MLLT3: variants seen among roughly 807,000 people sequenced by gnomAD.
The protein encoded by MLLT3 is MLLT3 super elongation complex subunit.
MLLT3 carries 4 observed loss-of-function variants against 53.2 expected under a neutral mutation model. The observed-to-expected ratio is 0.08, with a 90% CI of 0.04 to 0.17. The LOEUF (loss-of-function observed/expected upper bound fraction) is 0.17, where lower values mean the gene tolerates loss of function less well. Ranked by LOEUF, MLLT3 falls within the 10% of genes least tolerant of loss-of-function variation. The pLI, the probability that MLLT3 is intolerant of heterozygous loss-of-function variation, is 1.00. For missense variants in MLLT3, 569 were observed against 684.0 expected, an observed-to-expected ratio of 0.83 and a Z score of 1.87; for synonymous variants, 283 against 230.6, an observed-to-expected ratio of 1.23 and a Z score of -2.06.
At chr9:20,508,697 A>C (rs532251485) in intron 2 of MLLT3, among the ~76,000 whole-genome samples, 13 of 152,210 alleles carry the variant, frequency 8.5e-5, no homozygotes, top group Admixed American at 5.9e-4. Context: ...AAATTCATAA[A>C]AAAAAGTTTT....
At chr9:20,590,044 A>G (rs1490998753) in intron 2 of MLLT3, among the ~76,000 whole-genome samples, 26 of 152,140 alleles carry the variant, frequency 1.7e-4, no homozygotes, top group Admixed American at 1.6e-3. Context: ...ACCCGCCAGG[A>G]GAAGCCATTC....
At chr9:20,483,371 G>A (rs1448209335) in intron 2 of MLLT3, among the ~76,000 whole-genome samples, 2 of 151,620 alleles carry the variant, frequency 1.3e-5, no homozygotes, top group African/African-American at 4.9e-5. Flanking sequence ...GCAAGTAGCT[G>A]GGACTACAGG....
chr9:20,383,828 C>G (rs1821964661), intron 5 of MLLT3, among the ~76,000 whole-genome samples: 1 of 151,822 alleles, frequency 6.6e-6, no homozygotes, highest in South Asian at 2.1e-4. Context: ...TGATAAAGTA[C>G]CTAGTTCAAT....
chr9:20,508,719 GC>G (rs1825446364), intron 2 of MLLT3, among the ~76,000 whole-genome samples: 1 of 152,082 alleles, frequency 6.6e-6, no homozygotes, highest in African/African-American at 2.4e-5. Context: ...AACCCAAACG[GC>G]TAAAAAGATT....
chr9:20,374,732 C>T (rs1372667471), intron 5 of MLLT3, among the ~76,000 whole-genome samples: 2 of 152,154 alleles, frequency 1.3e-5, no homozygotes, highest in Admixed American at 6.5e-5. Flanking sequence ...ACATCAGTAA[C>T]TCTAACCTCA....
Position 20,621,797 on chromosome 9 carries a change from C to A in MLLT3, c.12+448G>T. On this transcript the variant is annotated intron_variant, in intron 1 of 10. Coordinates refer to ENST00000380338, the MANE Select transcript of MLLT3 (RefSeq NM_004529.4). This position sits in a 1 kb window ranked among gnomAD's most constrained non-coding sequence, Gnocchi z 7.0. ...CCATCGTAGCGGCCGCGGCGCTTTG[C>A]GGAGGTGCGGCCGCCGAGGCTGCTC... is the stretch of plus-strand genomic sequence containing the variant. 2.1e-6 allele frequency: 3 copies of A among 1,457,112 alleles called. No individual in the cohort carries two copies. The highest frequency in any genetic ancestry group is 2.7e-6 in the Non-Finnish European group (3 of 1,115,132). The allele number at this position is 1,457,112 out of a possible 1,614,324, so 90.3% of individuals were successfully genotyped here.
chr9:20,607,951 CTAGT>C (rs1820609307), intron 2 of MLLT3, among the ~76,000 whole-genome samples: 1 of 151,858 alleles, frequency 6.6e-6, no homozygotes. Flanking sequence ...GTAAAAACCT[CTAGT>C]TATTTTTGTA....
intron 6 of MLLT3, among the ~76,000 whole-genome samples, chr9:20,364,124 A>G (rs979535156): frequency 6.6e-6 from 1 of 152,194 alleles, no homozygotes; most frequent in African/African-American, 2.4e-5. Context: ...CCATGGTGTA[A>G]TATCCTACCT....
At chr9:20,525,832 G>A (rs889842919) in intron 2 of MLLT3, among the ~76,000 whole-genome samples, 6 of 152,184 alleles carry the variant, frequency 3.9e-5, no homozygotes, top group Non-Finnish European at 5.9e-5. Flanking sequence ...AAGACCGATT[G>A]TAGTCTAGGT....
At chr9:20,453,155 TTTAA>T (rs1177812717) in intron 3 of MLLT3, among the ~76,000 whole-genome samples, 5 of 152,218 alleles carry the variant, frequency 3.3e-5, no homozygotes, top group Non-Finnish European at 7.3e-5. Context: ...TAATTCCTTT[TTTAA>T]TTAAGAAATT....
At chr9:20,403,356 G>T (rs1479887734) in intron 5 of MLLT3, among the ~76,000 whole-genome samples, 2 of 152,206 alleles carry the variant, frequency 1.3e-5, no homozygotes, top group Non-Finnish European at 2.9e-5. Flanking sequence ...AAATACAGAA[G>T]AGAGACCACA....
intron 2 of MLLT3, among the ~76,000 whole-genome samples, chr9:20,500,859 A>G (rs1437126063): frequency 6.6e-6 from 1 of 152,024 alleles, no homozygotes; most frequent in East Asian, 1.9e-4. Flanking sequence ...ATCATTTTCA[A>G]CTCCCTCCAG....
Position 20,346,527 on chromosome 9 carries a change from T to C in MLLT3, c.1623A>G (p.Thr541=), listed in dbSNP as rs1820874280. 6.2e-7 allele frequency: 1 copy of C among 1,613,810 alleles called. No homozygotes were observed. Residue 541 remains threonine, a synonymous_variant, in exon 11 of 11, where the codon ACA becomes ACG. Transcript: ENST00000380338. ...GCGAGCAAAGATCAAAATCAAATGT[T>C]GTGTTTGTGATATGAAAGTGTCCAG... ...EETGHFHITN[T]TFDFDLCSLD...
At chr9:20,498,567 G>C (rs1415631654) in intron 2 of MLLT3, among the ~76,000 whole-genome samples, 1 of 152,174 alleles carries the variant, frequency 6.6e-6, no homozygotes, top group African/African-American at 2.4e-5. Context: ...TGCAGCCCAA[G>C]ATGGCTTTCA....
intron 2 of MLLT3, among the ~76,000 whole-genome samples, chr9:20,477,955 C>T (rs927763149): frequency 2.0e-5 from 3 of 152,234 alleles, no homozygotes; most frequent in African/African-American, 4.8e-5. Flanking sequence ...GCAGAAGAAG[C>T]GCTGTTCCAG....
At chr9:20,508,156 CAT>C (rs1395326450) in intron 2 of MLLT3, among the ~76,000 whole-genome samples, 1 of 152,112 alleles carries the variant, frequency 6.6e-6, no homozygotes, top group Non-Finnish European at 1.5e-5. Flanking sequence ...GCAACTTTCC[CAT>C]CATAATGTTC....
chr9:20,570,154 A>G lies in MLLT3; in HGVS notation c.193+50500T>C, dbSNP rs949543534. On this transcript the variant is annotated intron_variant, in intron 2 of 10. Transcript: ENST00000380338. ...TTTCAGAGCCAATTTCCCACTTAAAATTCTAGACCTTGGCTTTGAAAATAG... is the reference window on the plus strand; with the variant it reads ...TTTCAGAGCCAATTTCCCACTTAAAGTTCTAGACCTTGGCTTTGAAAATAG... 2.6e-5 allele frequency among the ~76,000 whole-genome samples: 4 copies of G among 152,208 alleles called. No homozygotes were observed. The South Asian group carries it at 8.3e-4, about 32-fold the overall frequency.
At chr9:20,523,009 T>C (rs1213742872) in intron 2 of MLLT3, among the ~76,000 whole-genome samples, 4 of 151,836 alleles carry the variant, frequency 2.6e-5, no homozygotes, top group Admixed American at 1.3e-4. Context: ...ACAAAATATA[T>C]AATGAATTCT....
intron 2 of MLLT3, among the ~76,000 whole-genome samples, chr9:20,565,966 A>T (rs867575886): frequency 0.029 from 913 of 31,940 alleles, 17 homozygotes; most frequent in African/African-American, 0.13. Flanking sequence ...ATATATATAT[A>T]TTTATATATA....
Sources: gnomAD v4.1 joint callset for allele counts (sites outside exome capture counted in the v4.1 genomes callset) on GRCh38, gnomAD v4.1.1 for gene constraint, Gnocchi (gnomAD v3.1) non-coding constraint, MANE v1.5 for transcripts, NCBI Gene and HGNC (gene_info 2026-07-23, HGNC 2026-07-21) for gene names.